P3H2: variants seen among roughly 807,000 people sequenced by gnomAD.
P3H2 encodes prolyl 3-hydroxylase 2.
Under a neutral mutation model 87.0 loss-of-function variants are expected in P3H2, and 80 were observed. That is an observed-to-expected ratio of 0.92 (90% CI 0.77 to 1.11). P3H2 has a LOEUF of 1.11. Among genes scored for constraint, P3H2 ranks in the 50% least tolerant of loss-of-function variants. P3H2 has a pLI of 0.00. For missense variants in P3H2, 1,001 were observed against 923.9 expected, an observed-to-expected ratio of 1.08 and a Z score of -1.08; for synonymous variants, 367 against 359.3, an observed-to-expected ratio of 1.02 and a Z score of -0.24.
chr3:190,072,250 C>T (rs1156803915), intron 1 of P3H2, among the ~76,000 whole-genome samples: 1 of 152,140 alleles, frequency 6.6e-6, no homozygotes, highest in East Asian at 1.9e-4. Flanking sequence ...TGGTCTTGAA[C>T]TCCTGACCTT....
chr3:190,100,252 C>T (rs1257909480), intron 1 of P3H2, among the ~76,000 whole-genome samples: 3 of 77,338 alleles, frequency 3.9e-5, no homozygotes, highest in Admixed American at 2.1e-4. Context: ...CCCCCGCCGC[C>T]CCCCCCCCCA....
chr3:190,066,121 G>C (rs1726490188), intron 1 of P3H2, among the ~76,000 whole-genome samples: 2 of 135,660 alleles, frequency 1.5e-5, no homozygotes, highest in African/African-American at 5.9e-5. Flanking sequence ...CAATCAACGA[G>C]TGGATAAAGA....
At chr3:190,053,261 T>C (rs1010363371) in intron 1 of P3H2, among the ~76,000 whole-genome samples, 4 of 152,216 alleles carry the variant, frequency 2.6e-5, no homozygotes, top group South Asian at 4.1e-4. Flanking sequence ...AATGTATTTA[T>C]TTGTTATCCA....
intron 1 of P3H2, among the ~76,000 whole-genome samples, chr3:190,114,560 C>G (rs1373281464): frequency 6.6e-6 from 1 of 152,104 alleles, no homozygotes; most frequent in Non-Finnish European, 1.5e-5. Flanking sequence ...AGGAGCTGAC[C>G]AGGCTTTCAG....
chr3:190,080,603 T>C (rs1362651871), intron 1 of P3H2, among the ~76,000 whole-genome samples: 1 of 152,048 alleles, frequency 6.6e-6, no homozygotes, highest in African/African-American at 2.4e-5. Context: ...GGTTTTTCCA[T>C]GTTGGTCAGG....
At chr3:190,106,087 T>C (rs1181739187) in intron 1 of P3H2, among the ~76,000 whole-genome samples, 2 of 152,136 alleles carry the variant, frequency 1.3e-5, no homozygotes, top group East Asian at 3.9e-4. Context: ...CCAAGATGTG[T>C]CTGTGGGAAG....
intron 1 of P3H2, among the ~76,000 whole-genome samples, chr3:190,052,031 T>G (rs77631298): frequency 0.018 from 2,716 of 152,158 alleles, 89 homozygotes; most frequent in African/African-American, 0.063. Flanking sequence ...ACGAATATCC[T>G]CAAAAACAAA....
At chr3:190,057,770 T>C (rs1386187004) in intron 1 of P3H2, among the ~76,000 whole-genome samples, 7 of 152,168 alleles carry the variant, frequency 4.6e-5, no homozygotes, top group African/African-American at 1.2e-4. Flanking sequence ...TAAGAGCATT[T>C]TTCCATCGAA....
At chr3:190,116,501 C>G (rs939858898) in intron 1 of P3H2, 1 of 152,274 alleles carries the variant, frequency 6.6e-6, no homozygotes, top group African/African-American at 2.4e-5. Context: ...ATTCTAAAGC[C>G]TCTACACCTC....
intron 1 of P3H2, among the ~76,000 whole-genome samples, chr3:190,009,363 T>C (rs1724519180): frequency 6.6e-6 from 1 of 152,176 alleles, no homozygotes; most frequent in Admixed American, 6.5e-5. Flanking sequence ...ATGTTGTTAG[T>C]TTGTTCGAGT....
chr3:190,014,217 T>G (rs1724682326), intron 1 of P3H2, among the ~76,000 whole-genome samples: 2 of 152,164 alleles, frequency 1.3e-5, no homozygotes, highest in Admixed American at 6.5e-5. Flanking sequence ...AATGAAGGAA[T>G]GAATAACTAT....
intron 1 of P3H2, among the ~76,000 whole-genome samples, chr3:190,033,553 T>C (rs1167194435): frequency 6.6e-6 from 1 of 152,224 alleles, no homozygotes; most frequent in East Asian, 1.9e-4. Context: ...AGTAATCTCA[T>C]GTTTAGTACA....
intron 1 of P3H2, among the ~76,000 whole-genome samples, chr3:190,045,490 A>C (rs930978938): frequency 6.6e-6 from 1 of 152,126 alleles, no homozygotes; most frequent in African/African-American, 2.4e-5. Context: ...AATCCTTCAT[A>C]TATCCTAGTT....
At chr3:190,024,635 G>A (rs115310738) in intron 1 of P3H2, among the ~76,000 whole-genome samples, 3,423 of 151,988 alleles carry the variant, frequency 0.023, 126 homozygotes, top group African/African-American at 0.077. Flanking sequence ...GCATTGATGG[G>A]GCTCTTGGTA....
chr3:189,986,567 C>A (rs899152926), intron 6 of P3H2, among the ~76,000 whole-genome samples: 1 of 151,976 alleles, frequency 6.6e-6, no homozygotes, highest in Admixed American at 6.6e-5. Flanking sequence ...CCAGCCTGGG[C>A]GACAAGAGCG....
intron 1 of P3H2, among the ~76,000 whole-genome samples, chr3:190,114,482 A>G (rs1422131956): frequency 6.6e-6 from 1 of 152,124 alleles, no homozygotes; most frequent in Non-Finnish European, 1.5e-5. Context: ...CACCATGCCC[A>G]GCCTCATCTA....
intron 1 of P3H2, among the ~76,000 whole-genome samples, chr3:190,060,573 A>G (rs547506999): frequency 2.7e-4 from 41 of 152,266 alleles, no homozygotes; most frequent in African/African-American, 8.7e-4. Flanking sequence ...GCTTTCAGTC[A>G]AGCACTCTGT....
At chr3:190,067,160 C>T (rs1304375155) in intron 1 of P3H2, among the ~76,000 whole-genome samples, 5 of 151,760 alleles carry the variant, frequency 3.3e-5, no homozygotes. Context: ...CTTACATTTA[C>T]CTATTATTTG....
chr3:190,076,296 C>A (rs1454496691), intron 1 of P3H2, among the ~76,000 whole-genome samples: 1 of 152,110 alleles, frequency 6.6e-6, no homozygotes, highest in East Asian at 1.9e-4. Context: ...GCCAAGTGCT[C>A]CCTGCTTCCT....
Sources: allele counts gnomAD v4.1 joint callset (sites outside exome capture counted in the v4.1 genomes callset), GRCh38; gene constraint gnomAD v4.1.1; transcripts MANE v1.5; gene names NCBI Gene and HGNC (gene_info 2026-07-23, HGNC 2026-07-21).